BTD: variants seen among roughly 807,000 people sequenced by gnomAD.
The protein encoded by BTD is biocytinase.
BTD carries 13 observed loss-of-function variants against 17.7 expected under a neutral mutation model. That is an observed-to-expected ratio of 0.74 (90% CI 0.48 to 1.17). BTD has a LOEUF of 1.17. BTD is among the 50% of genes most tolerant of loss of function. The probability of loss-of-function intolerance (pLI) is 0.00; values close to 1 mark genes in which losing one functional copy is unlikely to be tolerated. For synonymous variants in BTD, 240 were observed against 245.2 expected, an observed-to-expected ratio of 0.98 and a Z score of 0.20; for missense variants, 674 against 650.4, an observed-to-expected ratio of 1.04 and a Z score of -0.39.
At position 15,648,098 on chromosome 3, in the gene BTD, C is replaced by T. The variant is rs1239531300; in HGVS notation, c.*2610C>T. Among the ~76,000 whole-genome samples the T allele has an allele frequency of 1.3e-5, 2 of 152,192 alleles. No individual in the cohort carries two copies. The highest frequency in any genetic ancestry group is 2.9e-5 in the Non-Finnish European group (2 of 68,042). On this transcript the variant is annotated 3_prime_UTR_variant, in exon 4 of 4. Coordinates refer to ENST00000643237, the MANE Select transcript of BTD (RefSeq NM_001370658.1). Reference sequence around the variant, plus strand: ...CAGGAGGAGGCACCCAGCCCAAGGCCAGCCAATCAGAGCACTGGCTAGTAG... The same window carrying T: ...CAGGAGGAGGCACCCAGCCCAAGGCTAGCCAATCAGAGCACTGGCTAGTAG...
rs1004027979 is a variant in BTD, at chr3:15,644,951, G to GTC, written c.1036_1037dup (p.Gly347GlnfsTer23). On this transcript the variant is annotated frameshift_variant, in exon 4 of 4. Coordinates refer to ENST00000643237, the MANE Select transcript of BTD (RefSeq NM_001370658.1). LOFTEE classifies it low-confidence loss of function (END_TRUNC). ...CCCATAGTAAGTTTTTAAAAATTTT[G>GTC]TCAGGCGATCCGTACTGTGAGAAGG... 3.1e-6 allele frequency: 5 copies of GTC among 1,613,990 alleles called. No homozygotes were observed. In the African/African-American group the frequency reaches 6.7e-5, roughly 22 times the overall value.
chr3:15,706,198 G>C (rs1235284313), intron 3 of BTD, among the ~76,000 whole-genome samples: 1 of 151,736 alleles, frequency 6.6e-6, no homozygotes, highest in Admixed American at 6.6e-5. Flanking sequence ...CCATTAACTC[G>C]TCACTTACAT....
At chr3:15,688,581 ATAGC>A (rs1248413449) in intron 3 of BTD, among the ~76,000 whole-genome samples, 8 of 152,236 alleles carry the variant, frequency 5.3e-5, no homozygotes, top group Non-Finnish European at 2.9e-5. Flanking sequence ...TGAACATCTG[ATAGC>A]TTTGAAGGGC....
chr3:15,660,400 T>G (rs2125540478), intron 3 of BTD, among the ~76,000 whole-genome samples: 1 of 152,356 alleles, frequency 6.6e-6, no homozygotes, highest in East Asian at 1.9e-4. Flanking sequence ...CCTTTTCCAC[T>G]TCTGATTCGA....
chr3:15,703,923 A>G (rs987566401), intron 3 of BTD, among the ~76,000 whole-genome samples: 12 of 152,316 alleles, frequency 7.9e-5, no homozygotes, highest in South Asian at 4.1e-4. Flanking sequence ...TAATCTACAT[A>G]CACACAGAGC....
At chr3:15,677,080 T>C (rs377593632) in intron 3 of BTD, 3 of 1,592,366 alleles carry the variant, frequency 1.9e-6, no homozygotes, top group Admixed American at 1.7e-5. Flanking sequence ...AGATAAGTTA[T>C]AAAAACTTGA....
intron 3 of BTD, among the ~76,000 whole-genome samples, chr3:15,681,471 C>A (rs1460534159): frequency 6.6e-6 from 1 of 152,150 alleles, no homozygotes; most frequent in Non-Finnish European, 1.5e-5. Context: ...TAATTTAATA[C>A]CCTAATTACT....
Position 15,613,647 on chromosome 3 carries a change from A to G in BTD, c.-17+11753A>G, listed in dbSNP as rs575601009. 2.6e-5 allele frequency among the ~76,000 whole-genome samples: 4 copies of G among 151,740 alleles called. No homozygotes were observed. The South Asian group carries it at 8.3e-4, about 32-fold the overall frequency. On this transcript the variant is annotated intron_variant, in intron 1 of 3. Transcript: ENST00000643237. The stretch of plus-strand genomic sequence containing the variant: ...TAAGCAGTTTTTTTTCACTCGTGGC[A>G]GAATGTTTTGTCACAGTTTTTATTT...
At chr3:15,608,701 G>A (rs185044187) in intron 1 of BTD, among the ~76,000 whole-genome samples, 80 of 152,082 alleles carry the variant, frequency 5.3e-4, no homozygotes, top group Non-Finnish European at 9.0e-4. Flanking sequence ...AGGAGTTGGA[G>A]GTTGCAGTGA....
intron 3 of BTD, among the ~76,000 whole-genome samples, chr3:15,674,195 A>AAAAAAAAT (rs2066686084): frequency 6.6e-6 from 1 of 150,752 alleles, no homozygotes; most frequent in African/African-American, 2.4e-5. Flanking sequence ...AAAAAAAAAA[A>AAAAAAAAT]AAAGAAGAAG....
At chr3:15,716,362 G>C (rs1201405579), downstream of BTD, among the ~76,000 whole-genome samples, 1 of 149,236 alleles carries the variant, frequency 6.7e-6, no homozygotes, top group Non-Finnish European at 1.5e-5. Context: ...TGTAATCATA[G>C]TTCACTGCAA....
At chr3:15,605,523 G>A (rs912933538) in intron 1 of BTD, among the ~76,000 whole-genome samples, 6 of 152,100 alleles carry the variant, frequency 3.9e-5, no homozygotes, top group African/African-American at 9.7e-5. Context: ...GTCTCAGAGT[G>A]TATCTAAAAA....
intron 3 of BTD, chr3:15,697,367 A>AGGGATAAAAGAC (rs2069772789): frequency 6.6e-6 from 1 of 152,210 alleles, no homozygotes; most frequent in Admixed American, 6.6e-5. Context: ...TACACATTGG[A>AGGGATAAAAGAC]TACAGTGTAC....
At chr3:15,701,456 C>G (rs2070606321) in intron 3 of BTD, among the ~76,000 whole-genome samples, 1 of 152,052 alleles carries the variant, frequency 6.6e-6, no homozygotes, top group African/African-American at 2.4e-5. Flanking sequence ...ACCTGCCTGA[C>G]CAACATGGAG....
At chr3:15,697,232 T>C (rs2069733992) in intron 3 of BTD, 1 of 152,612 alleles carries the variant, frequency 6.6e-6, no homozygotes, top group Non-Finnish European at 1.5e-5. Flanking sequence ...GTGGGAGCTA[T>C]GAGGAGACGC....
intron 1 of BTD, among the ~76,000 whole-genome samples, chr3:15,633,534 A>G (rs1263672043): frequency 2.6e-5 from 4 of 152,220 alleles, no homozygotes; most frequent in African/African-American, 9.7e-5. Context: ...CTGGATTGCA[A>G]GTCCTTTAGA....
Position 15,635,704 on chromosome 3 carries a change from G to A in BTD, c.249+16G>A, listed in dbSNP as rs763930091. ...AGCCCAAAAGGCAAGAATGCTCCTC[G>A]GAACCTGAGTTTCTCTCATACAGAG... On this transcript the variant is annotated intron_variant, in intron 2 of 3. Coordinates refer to ENST00000643237, the MANE Select transcript of BTD (RefSeq NM_001370658.1). The surrounding 1 kb of genome is among the most constrained non-coding windows in gnomAD (Gnocchi z 4.1). 1 of 1,613,926 alleles carries A rather than the reference G, an allele frequency of 6.2e-7. No individual in the cohort carries two copies. Among genetic ancestry groups the A allele is most frequent in the African/African-American group, 1.3e-5 (1 of 75,026 alleles).
intron 1 of BTD, among the ~76,000 whole-genome samples, chr3:15,608,105 A>G (rs1207813427): frequency 6.6e-6 from 1 of 152,236 alleles, no homozygotes; most frequent in African/African-American, 2.4e-5. Flanking sequence ...GCCAGCTGAC[A>G]GACACTGGGA....
intron 3 of BTD, among the ~76,000 whole-genome samples, chr3:15,642,661 A>C (rs933569845): frequency 2.6e-5 from 4 of 151,784 alleles, no homozygotes; most frequent in Non-Finnish European, 5.9e-5. Flanking sequence ...ATGGGGTTTC[A>C]CCATGTTAGC....
Sources: gnomAD v4.1 joint callset for allele counts (sites outside exome capture counted in the v4.1 genomes callset) on GRCh38, gnomAD v4.1.1 for gene constraint, Gnocchi (gnomAD v3.1) non-coding constraint, MANE v1.5 for transcripts, NCBI Gene and HGNC (gene_info 2026-07-23, HGNC 2026-07-21) for gene names.